Variants in SSBP2 observed in about 807,000 individuals in gnomAD.
SSBP2 encodes single stranded DNA binding protein 2.
A neutral mutation model predicts 61.8 loss-of-function variants in SSBP2; 17 were observed. That is an observed-to-expected ratio of 0.28 (90% CI 0.19 to 0.41). The LOEUF is 0.41. SSBP2 is among the 10% of genes least tolerant of loss of function. The pLI is 1.00. For synonymous variants in SSBP2, 139 were observed against 141.3 expected (o/e 0.98, Z 0.12); for missense variants, 310 against 458.7 (o/e 0.68, Z 2.96).
intron 4 of SSBP2, among the ~76,000 whole-genome samples, chr5:81,520,611 AT>A (rs1769404725): frequency 6.6e-6 from 1 of 152,018 alleles, no homozygotes; most frequent in Non-Finnish European, 1.5e-5. Context: ...GTATTATACA[AT>A]TTTTGTATTT....
At chr5:81,446,166 C>A (rs1032435749) in intron 12 of SSBP2, among the ~76,000 whole-genome samples, 3 of 151,746 alleles carry the variant, frequency 2.0e-5, no homozygotes, top group Non-Finnish European at 4.4e-5. Flanking sequence ...ATGGTATGAA[C>A]CTTTTCATGG....
intron 1 of SSBP2, among the ~76,000 whole-genome samples, chr5:81,744,893 A>G (rs1757254277): frequency 1.3e-5 from 2 of 152,082 alleles, no homozygotes; most frequent in Non-Finnish European, 2.9e-5. Flanking sequence ...AATGACACCA[A>G]CTGAAGTTTG....
At chr5:81,548,274 G>A (rs1366798191) in intron 4 of SSBP2, among the ~76,000 whole-genome samples, 3 of 152,114 alleles carry the variant, frequency 2.0e-5, no homozygotes, top group Non-Finnish European at 4.4e-5. Context: ...GACTTTGGGT[G>A]ACAATGTGTC....
intron 4 of SSBP2, among the ~76,000 whole-genome samples, chr5:81,574,393 A>G (rs1413028333): frequency 1.3e-5 from 2 of 152,126 alleles, no homozygotes; most frequent in Admixed American, 1.3e-4. Context: ...GAAACAAAAG[A>G]TGGAAAATAC....
intron 10 of SSBP2, among the ~76,000 whole-genome samples, chr5:81,449,491 G>A (rs1763626619): frequency 6.6e-6 from 1 of 152,090 alleles, no homozygotes; most frequent in Non-Finnish European, 1.5e-5. Context: ...TTAAGATGCT[G>A]TACATCCATA....
In SSBP2 at chr5:81,415,625, A is replaced by T. The variant is rs1761274775; in HGVS notation, c.*4879T>A. On this transcript the variant is annotated 3_prime_UTR_variant, in exon 17 of 17. Transcript: ENST00000320672. Reference sequence around the variant, plus strand: ...TACAGAAGACATAAAAAAAAAGGAAAACCTGGGCCAGGTACGGTGGCTCAT... The same window carrying T: ...TACAGAAGACATAAAAAAAAAGGAATACCTGGGCCAGGTACGGTGGCTCAT... The T allele has an allele frequency of 6.6e-6, 1 of 151,978 alleles. No homozygotes were observed. The highest frequency in any genetic ancestry group is 2.1e-4 in the South Asian group (1 of 4,816). 9.4% of individuals were successfully genotyped at this position (151,978 alleles called of 1,614,324 possible).
chr5:81,483,175 T>A (rs950964818), intron 6 of SSBP2, among the ~76,000 whole-genome samples: 1 of 152,092 alleles, frequency 6.6e-6, no homozygotes, highest in Non-Finnish European at 1.5e-5. Context: ...CTGTAAGAGA[T>A]ATAATGAAAA....
intron 4 of SSBP2, among the ~76,000 whole-genome samples, chr5:81,560,426 G>T (rs987205631): frequency 6.6e-6 from 1 of 152,166 alleles, no homozygotes; most frequent in Non-Finnish European, 1.5e-5. Flanking sequence ...AGCTTTTCAT[G>T]CCAAAACAAG....
At chr5:81,428,526 T>C in intron 16 of SSBP2, 59 bp downstream of exon 16, 1 of 1,364,724 alleles carries the variant, frequency 7.3e-7, no homozygotes, top group Non-Finnish European at 1.0e-6. Flanking sequence ...ATGCATTTAT[T>C]CTAGCAGAAG....
At chr5:81,469,112 A>C (rs996592385) in intron 8 of SSBP2, among the ~76,000 whole-genome samples, 1 of 151,928 alleles carries the variant, frequency 6.6e-6, no homozygotes, top group Non-Finnish European at 1.5e-5. Context: ...GGAAACCATT[A>C]ATTTTCCTTA....
At chr5:81,609,925 G>A (rs935978415) in intron 4 of SSBP2, among the ~76,000 whole-genome samples, 10 of 152,154 alleles carry the variant, frequency 6.6e-5, no homozygotes, top group East Asian at 1.9e-4. Context: ...GAAACCACCC[G>A]ATTCCAGGTA....
At chr5:81,554,347 A>G (rs35340025) in intron 4 of SSBP2, among the ~76,000 whole-genome samples, 28,580 of 151,708 alleles carry the variant, frequency 0.19, 2,773 homozygotes, top group Non-Finnish European at 0.2. Context: ...TCTTTCATTC[A>G]AAACCATTTC....
At chr5:81,650,184 C>G in intron 2 of SSBP2, 83 bp downstream of exon 2, 1 of 1,024,632 alleles carries the variant, frequency 9.8e-7, no homozygotes, top group South Asian at 1.6e-5. Context: ...ACATAACAAA[C>G]TTTTTTCAAA....
At chr5:81,627,692 G>T (rs999098021) in intron 3 of SSBP2, among the ~76,000 whole-genome samples, 9 of 152,096 alleles carry the variant, frequency 5.9e-5, no homozygotes, top group Non-Finnish European at 1.2e-4. Flanking sequence ...ATATATATTT[G>T]ATTTCAGGAT....
At chr5:81,651,493 A>C (rs1029289860) in intron 1 of SSBP2, among the ~76,000 whole-genome samples, 4 of 152,180 alleles carry the variant, frequency 2.6e-5, no homozygotes, top group Admixed American at 1.3e-4. Context: ...TGTAGCTACT[A>C]AACACCTTGA....
intron 1 of SSBP2, among the ~76,000 whole-genome samples, chr5:81,655,684 G>A (rs1750148553): frequency 6.6e-6 from 1 of 152,192 alleles, no homozygotes; most frequent in East Asian, 1.9e-4. Flanking sequence ...GAAGAACACA[G>A]AGAAAAGCCA....
In SSBP2 at chr5:81,413,888, AAAGTTAGCTG is replaced by A. The variant is rs1330683590; in HGVS notation, c.*6606_*6615del. 2.6e-5 allele frequency: 4 copies of A among 152,280 alleles called. No homozygotes were observed. The highest frequency in any genetic ancestry group is 2.6e-4 in the Admixed American group (4 of 15,290). 9.4% of individuals were successfully genotyped at this position (152,280 alleles called of 1,614,324 possible). ...GAGCAATTTTACCAAGACATGATGG[AAAGTTAGCTG>A]ACAAATATCATATTGTGTTCTGAGT... On this transcript the variant is annotated 3_prime_UTR_variant, in exon 17 of 17. Coordinates refer to ENST00000320672, the MANE Select transcript of SSBP2 (RefSeq NM_012446.5).
chr5:81,675,151 G>T (rs1751856621), intron 1 of SSBP2, among the ~76,000 whole-genome samples: 1 of 152,106 alleles, frequency 6.6e-6, no homozygotes. Context: ...ATATACACAT[G>T]CATGCACACA....
intron 1 of SSBP2, among the ~76,000 whole-genome samples, chr5:81,691,376 C>T (rs1297171013): frequency 6.6e-6 from 1 of 151,836 alleles, no homozygotes; most frequent in Non-Finnish European, 1.5e-5. Flanking sequence ...AAAAACGAGA[C>T]ATTACAATTG....
Sources: allele counts gnomAD v4.1 joint callset (sites outside exome capture counted in the v4.1 genomes callset), GRCh38; gene constraint gnomAD v4.1.1; transcripts MANE v1.5; gene names NCBI Gene and HGNC (gene_info 2026-07-23, HGNC 2026-07-21).